The following DACH2 variants were observed in gnomAD, a reference collection of about 807,000 sequenced individuals.
DACH2 encodes dachshund family transcription factor 2.
Under a neutral mutation model 35.8 loss-of-function variants are expected in DACH2, and 17 were observed. The ratio of observed to expected loss-of-function variants is 0.48; its 90% CI spans 0.33 to 0.71. The LOEUF (loss-of-function observed/expected upper bound fraction) is 0.71, where lower values mean the gene tolerates loss of function less well. Ranked by LOEUF, DACH2 falls within the 30% of genes least tolerant of loss-of-function variation. The pLI is 0.02. For synonymous variants in DACH2, 195 were observed against 177.3 expected, an observed-to-expected ratio of 1.10 and a Z score of -0.79; for missense variants, 469 against 472.7, an observed-to-expected ratio of 0.99 and a Z score of 0.07.
At chrX:86,689,636 C>A (rs1172385777) in intron 4 of DACH2, among the ~76,000 whole-genome samples, 1 of 111,654 alleles carries the variant, frequency 9.0e-6, no homozygotes, top group Non-Finnish European at 1.9e-5. Context: ...CATTTGGCTT[C>A]TTTTTCTTTG....
At chrX:86,284,298 G>A (rs34496752) in intron 1 of DACH2, among the ~76,000 whole-genome samples, 1 of 111,290 alleles carries the variant, frequency 9.0e-6, no homozygotes, top group South Asian at 3.8e-4. Context: ...TTATCATGAA[G>A]GGGTGTTGAA....
chrX:86,440,046 T>G (rs2037134737), intron 2 of DACH2, among the ~76,000 whole-genome samples: 1 of 111,558 alleles, frequency 9.0e-6, no homozygotes, highest in Admixed American at 9.6e-5. Context: ...AAATGTGATC[T>G]ATCTTAGTGA....
intron 2 of DACH2, among the ~76,000 whole-genome samples, chrX:86,397,481 G>A (rs2036321338): frequency 9.0e-6 from 1 of 110,944 alleles, no homozygotes; most frequent in East Asian, 2.8e-4. Flanking sequence ...TTTTCAAAGG[G>A]AATGCTTCCA....
At chrX:86,337,260 C>G (rs2035329118) in intron 1 of DACH2, among the ~76,000 whole-genome samples, 1 of 111,012 alleles carries the variant, frequency 9.0e-6, no homozygotes, top group Admixed American at 9.6e-5. Flanking sequence ...AGAGCAACTC[C>G]AAGACACATA....
chrX:86,318,742 G>T (rs1421211232), intron 1 of DACH2, among the ~76,000 whole-genome samples: 1 of 111,382 alleles, frequency 9.0e-6, no homozygotes, highest in South Asian at 3.8e-4. Flanking sequence ...GCCCTCTGTA[G>T]CACCCAAAAG....
intron 1 of DACH2, among the ~76,000 whole-genome samples, chrX:86,198,737 G>A (rs1266818049): frequency 9.0e-6 from 1 of 110,841 alleles, no homozygotes; most frequent in Non-Finnish European, 1.9e-5. Context: ...TCCTCAAATA[G>A]ACCAATAATG....
intron 3 of DACH2, among the ~76,000 whole-genome samples, chrX:86,606,989 A>G (rs999329926): frequency 1.8e-5 from 2 of 111,529 alleles, no homozygotes; most frequent in African/African-American, 6.5e-5. Context: ...CTTGAAATCT[A>G]TTTAGTGTGA....
At chrX:86,435,076 A>C (rs1159416429) in intron 2 of DACH2, among the ~76,000 whole-genome samples, 1 of 111,356 alleles carries the variant, frequency 9.0e-6, no homozygotes, top group Non-Finnish European at 1.9e-5. Context: ...ACTGCCCACT[A>C]GGCCCCATCT....
At chrX:86,749,802 G>T (rs1298229829) in intron 7 of DACH2, among the ~76,000 whole-genome samples, 1 of 110,828 alleles carries the variant, frequency 9.0e-6, no homozygotes, top group East Asian at 2.8e-4. Flanking sequence ...CAAAGAACAG[G>T]GTATGCCTGT....
rs773759795 is a variant in DACH2, at chrX:86,414,113, T to C, written c.527+37251T>C. Among the ~76,000 whole-genome samples the C allele has an allele frequency of 2.8e-4, 31 of 111,682 alleles. No homozygotes were observed. The East Asian group carries it at 3.4e-3, about 12-fold the overall frequency. On this transcript the variant is annotated intron_variant, in intron 2 of 11. Transcript: ENST00000373125. ...CTTCCTCAAGGGGACCCAGCCTCCC[T>C]TTCATTCAAGGGGTTTTGGGTCTGT...
chrX:86,590,493 G>A (rs776224270), intron 3 of DACH2, among the ~76,000 whole-genome samples: 2 of 111,988 alleles, frequency 1.8e-5, no homozygotes, highest in South Asian at 7.4e-4. Context: ...TTGCTTCCAA[G>A]TTTTAGTAAT....
intron 1 of DACH2, among the ~76,000 whole-genome samples, chrX:86,188,784 G>A (rs1255402873): frequency 8.9e-6 from 1 of 112,148 alleles, no homozygotes; most frequent in Non-Finnish European, 1.9e-5. Context: ...CTCCCCGAAA[G>A]GAACCATCCT....
chrX:86,500,082 T>C (rs1280563803), intron 2 of DACH2, among the ~76,000 whole-genome samples: 2 of 111,472 alleles, frequency 1.8e-5, no homozygotes, highest in Non-Finnish European at 3.8e-5. Flanking sequence ...TGAGGTCCAA[T>C]TGGGGATCTT....
chrX:86,410,058 C>T (rs1452209044), intron 2 of DACH2, among the ~76,000 whole-genome samples: 1 of 112,188 alleles, frequency 8.9e-6, no homozygotes, highest in Non-Finnish European at 1.9e-5. Flanking sequence ...GGCTGATAAC[C>T]TATAGCATGA....
intron 6 of DACH2, among the ~76,000 whole-genome samples, chrX:86,729,154 C>T (rs2041504314): frequency 8.9e-6 from 1 of 112,294 alleles, no homozygotes; most frequent in Non-Finnish European, 1.9e-5. Flanking sequence ...TGCCCAAGGC[C>T]TCAGGAGTCC....
chrX:86,433,598 G>A (rs191954400), intron 2 of DACH2, among the ~76,000 whole-genome samples: 1 of 111,831 alleles, frequency 8.9e-6, no homozygotes, highest in Admixed American at 9.5e-5. Flanking sequence ...AGGAAATGGA[G>A]CTTTGTTTTT....
intron 6 of DACH2, among the ~76,000 whole-genome samples, chrX:86,733,244 G>C (rs1414443889): frequency 3.6e-5 from 4 of 111,607 alleles, no homozygotes; most frequent in Non-Finnish European, 1.9e-5. Flanking sequence ...ACTTTGGGCA[G>C]TGTTTCCAAC....
chrX:86,567,722 G>C (rs958118649), intron 3 of DACH2, among the ~76,000 whole-genome samples: 4 of 111,513 alleles, frequency 3.6e-5, no homozygotes, highest in Non-Finnish European at 7.5e-5. Context: ...ATTTGTAGTA[G>C]ACGAGGCTGT....
chrX:86,531,573 G>A (rs1246407270), intron 3 of DACH2, among the ~76,000 whole-genome samples: 1 of 112,540 alleles, frequency 8.9e-6, no homozygotes, highest in African/African-American at 3.2e-5. Flanking sequence ...CAGATGTGCA[G>A]AAGGCAAGAG....
Sources: gnomAD v4.1 joint callset for allele counts (sites outside exome capture counted in the v4.1 genomes callset) on GRCh38, gnomAD v4.1.1 for gene constraint, MANE v1.5 for transcripts, NCBI Gene and HGNC (gene_info 2026-07-23, HGNC 2026-07-21) for gene names.